The following ANKS1B variants were observed in gnomAD, a reference collection of about 807,000 sequenced individuals.
The protein encoded by ANKS1B is ankyrin repeat and sterile alpha motif domain containing 1B, also known as ankyrin repeat and sterile alpha motif domain-containing protein 1B.
In ANKS1B, 36 loss-of-function variants were observed where a neutral mutation model predicts 148.3. That is an observed-to-expected ratio of 0.24 (90% CI 0.19 to 0.32). The LOEUF (loss-of-function observed/expected upper bound fraction) is 0.32, where lower values mean the gene tolerates loss of function less well. Ranked by LOEUF, ANKS1B falls within the 10% of genes least tolerant of loss-of-function variation. The pLI is 1.00. For missense variants in ANKS1B, 1,157 were observed against 1,542.6 expected (o/e 0.75, Z 4.19); for synonymous variants, 542 against 560.8 (o/e 0.97, Z 0.47).
At chr12:99,039,368 A>G (rs1447969691) in intron 17 of ANKS1B, among the ~76,000 whole-genome samples, 1 of 152,042 alleles carries the variant, frequency 6.6e-6, no homozygotes, top group Non-Finnish European at 1.5e-5. Flanking sequence ...TTTCTTTCCC[A>G]TTCCTCCCCT....
chr12:99,166,999 C>T (rs549054940), intron 14 of ANKS1B, among the ~76,000 whole-genome samples: 1 of 152,086 alleles, frequency 6.6e-6, no homozygotes, highest in South Asian at 2.1e-4. Flanking sequence ...GGTGAAAAAT[C>T]AGTTCTGTAA....
At chr12:99,863,973 G>A (rs1415424105) in intron 1 of ANKS1B, among the ~76,000 whole-genome samples, 1 of 150,408 alleles carries the variant, frequency 6.6e-6, no homozygotes, top group African/African-American at 2.4e-5. Flanking sequence ...GGAGGCTGAG[G>A]CAGGAGAATC....
intron 17 of ANKS1B, among the ~76,000 whole-genome samples, chr12:99,046,841 C>A (rs955048898): frequency 4.0e-5 from 6 of 150,504 alleles, no homozygotes; most frequent in Non-Finnish European, 7.4e-5. Flanking sequence ...AAAGAAAGAC[C>A]CAAGTCTAAC....
chr12:99,487,181 C>T lies in ANKS1B; in HGVS notation c.1438+17295G>A, dbSNP rs753235502. On this transcript the variant is annotated intron_variant, in intron 10 of 26. Transcript: ENST00000683438. ...GTCCTTCTGAACCACAGGGTATTCC[C>T]TTGATTTGGTACACTCCCCCTTCTC... 6.6e-4 allele frequency among the ~76,000 whole-genome samples: 101 copies of T among 152,134 alleles called. 3 individuals carry two copies. The highest frequency in any genetic ancestry group is 1.8e-4 in the Non-Finnish European group (12 of 67,998).
chr12:99,768,188 T>C (rs530710304), intron 8 of ANKS1B, among the ~76,000 whole-genome samples: 1 of 152,210 alleles, frequency 6.6e-6, no homozygotes, highest in East Asian at 1.9e-4. Flanking sequence ...ACTTGTCATA[T>C]CACAATCAGC....
chr12:99,918,096 G>A (rs1185165822), intron 1 of ANKS1B, among the ~76,000 whole-genome samples: 2 of 152,168 alleles, frequency 1.3e-5, no homozygotes, highest in African/African-American at 4.8e-5. Flanking sequence ...TCCCACCTCT[G>A]TCCATGGAAA....
At chr12:99,294,024 T>C (rs2080458101) in intron 12 of ANKS1B, among the ~76,000 whole-genome samples, 1 of 152,126 alleles carries the variant, frequency 6.6e-6, no homozygotes, top group Admixed American at 6.6e-5. Flanking sequence ...ATACGAGTAA[T>C]AATGAATGCC....
chr12:99,537,556 T>G (rs931758936), intron 9 of ANKS1B, among the ~76,000 whole-genome samples: 1 of 152,196 alleles, frequency 6.6e-6, no homozygotes, highest in Non-Finnish European at 1.5e-5. Context: ...CAGTTGTGTA[T>G]GTCTTCTTGT....
intron 17 of ANKS1B, among the ~76,000 whole-genome samples, chr12:98,855,499 G>A (rs1362486261): frequency 2.0e-5 from 3 of 152,126 alleles, no homozygotes; most frequent in Non-Finnish European, 2.9e-5. Context: ...TTAATTTTAC[G>A]ATGTTAAAAA....
intron 10 of ANKS1B, among the ~76,000 whole-genome samples, chr12:99,445,887 A>G (rs563865558): frequency 8.6e-5 from 13 of 151,848 alleles, no homozygotes; most frequent in African/African-American, 3.1e-4. Flanking sequence ...ACATCTGGCT[A>G]ATTTTTTGTA....
chr12:99,616,892 T>C (rs574992350), intron 9 of ANKS1B, among the ~76,000 whole-genome samples: 87 of 152,104 alleles, frequency 5.7e-4, no homozygotes, highest in African/African-American at 2.0e-3. Context: ...AATCTATCCA[T>C]CTGACAAGGG....
At chr12:98,875,620 T>C (rs1363418169) in intron 17 of ANKS1B, among the ~76,000 whole-genome samples, 2 of 152,168 alleles carry the variant, frequency 1.3e-5, no homozygotes, top group Non-Finnish European at 2.9e-5. Context: ...AGTTTGTTTA[T>C]CATGCAATTT....
chr12:99,412,942 T>C (rs572808790), intron 11 of ANKS1B, among the ~76,000 whole-genome samples: 2 of 152,324 alleles, frequency 1.3e-5, no homozygotes, highest in East Asian at 3.9e-4. Flanking sequence ...AAGTACAATT[T>C]TTTGGTTGTT....
At chr12:99,595,132 T>C (rs76174478) in intron 9 of ANKS1B, among the ~76,000 whole-genome samples, 3,657 of 152,038 alleles carry the variant, frequency 0.024, 145 homozygotes, top group African/African-American at 0.084. Context: ...TGTATAGTCA[T>C]ATAAGAATTA....
chr12:99,117,984 T>A (rs984269675), intron 15 of ANKS1B, among the ~76,000 whole-genome samples: 1 of 152,228 alleles, frequency 6.6e-6, no homozygotes, highest in East Asian at 1.9e-4. Flanking sequence ...TTTATATGCA[T>A]AGAGGTATTT....
intron 10 of ANKS1B, among the ~76,000 whole-genome samples, chr12:99,449,968 G>A (rs2095704257): frequency 6.6e-6 from 1 of 151,792 alleles, no homozygotes; most frequent in African/African-American, 2.4e-5. Context: ...TTTACTGTAA[G>A]GCATTAGCTC....
At chr12:99,551,258 A>G (rs908864479) in intron 9 of ANKS1B, among the ~76,000 whole-genome samples, 7 of 152,158 alleles carry the variant, frequency 4.6e-5, no homozygotes, top group African/African-American at 1.7e-4. Context: ...AATAATTTTT[A>G]GCTCCTCAAA....
At chr12:98,953,141 C>T (rs2099856591) in intron 17 of ANKS1B, among the ~76,000 whole-genome samples, 1 of 152,066 alleles carries the variant, frequency 6.6e-6, no homozygotes, top group African/African-American at 2.4e-5. Flanking sequence ...CTGCCTCAGC[C>T]TCCTGAGTAG....
chr12:99,204,675 C>T (rs186447638), intron 14 of ANKS1B, among the ~76,000 whole-genome samples: 6 of 152,250 alleles, frequency 3.9e-5, no homozygotes, highest in East Asian at 3.9e-4. Flanking sequence ...TCTGTTTTGA[C>T]GATTCCCCCC....
Sources: allele counts gnomAD v4.1 joint callset (sites outside exome capture counted in the v4.1 genomes callset), GRCh38; gene constraint gnomAD v4.1.1; transcripts MANE v1.5; gene names NCBI Gene and HGNC (gene_info 2026-07-23, HGNC 2026-07-21).